Variants in SV2B observed in about 807,000 individuals in gnomAD.
The protein encoded by SV2B is solute carrier family 22 member B2.
A neutral mutation model predicts 73.9 loss-of-function variants in SV2B; 41 were observed. That is an observed-to-expected ratio of 0.56 (90% CI 0.43 to 0.72). The LOEUF (loss-of-function observed/expected upper bound fraction) is 0.72. Ranked by LOEUF, SV2B falls within the 30% of genes least tolerant of loss-of-function variation. SV2B has a pLI of 0.00. For missense variants in SV2B, 764 were observed against 857.8 expected, an observed-to-expected ratio of 0.89 and a Z score of 1.37; for synonymous variants, 314 against 314.2, an observed-to-expected ratio of 1.00 and a Z score of 0.01.
At chr15:91,133,813 G>T (rs1176232527) in intron 1 of SV2B, among the ~76,000 whole-genome samples, 2 of 152,048 alleles carry the variant, frequency 1.3e-5, no homozygotes, top group African/African-American at 4.8e-5. Flanking sequence ...AGCCTTCCAG[G>T]TATGCGATCC....
In SV2B at chr15:91,105,505, T is replaced by G. The variant is rs35357710; in HGVS notation, c.-392+5142T>G. On this transcript the variant is annotated intron_variant, in intron 1 of 12. Transcript: ENST00000394232. The surrounding 1 kb of genome is among the most constrained non-coding windows in gnomAD (Gnocchi z 5.5). ...GACAGGGTGAGCGTGGGAGAAGAGATCAGAGAAGTAGCAGGGAGCCAGCTA... is the reference window on the plus strand; with the variant it reads ...GACAGGGTGAGCGTGGGAGAAGAGAGCAGAGAAGTAGCAGGGAGCCAGCTA... Among the ~76,000 whole-genome samples the G allele has an allele frequency of 7.9e-5, 12 of 152,114 alleles. No individual in the cohort carries two copies. The highest frequency in any genetic ancestry group is 1.8e-4 in the Non-Finnish European group (12 of 67,998).
chr15:91,298,604 T>A lies in SV2B; in HGVS notation c.*6052T>A, dbSNP rs1481268363. On this transcript the variant is annotated 3_prime_UTR_variant, in exon 13 of 13. Transcript: ENST00000394232. The surrounding 1 kb of genome is among the most constrained non-coding windows in gnomAD (Gnocchi z 5.4). ...TTTAGCAGGACCATACTATGCCCCC[T>A]GGAAGGTTCAGTTTATGAGCTGGAG... The A allele has an allele frequency of 6.6e-6, 1 of 152,226 alleles. No individual in the cohort carries two copies. Among genetic ancestry groups the A allele is most frequent in the Non-Finnish European group, 1.5e-5 (1 of 68,044 alleles). The allele number at this position is 152,226 out of a possible 1,614,324, so 9.4% of individuals were successfully genotyped here.
rs1300288717 is a variant in SV2B, at chr15:91,122,860, T to C, written c.-392+22497T>C. 6.6e-6 allele frequency among the ~76,000 whole-genome samples: 1 copy of C among 152,118 alleles called. No individual in the cohort carries two copies. The highest frequency in any genetic ancestry group is 2.4e-5 in the African/African-American group (1 of 41,408). On this transcript the variant is annotated intron_variant, in intron 1 of 12. Coordinates refer to ENST00000394232, the MANE Select transcript of SV2B (RefSeq NM_001323032.3). This position sits in a 1 kb window ranked among gnomAD's most constrained non-coding sequence, Gnocchi z 4.3. The stretch of plus-strand genomic sequence containing the variant: ...TAGTTACCAGGGGCTGGAGTGAGTG[T>C]GTTGGGGAGATCCTTGTTGGTCAAA...
rs2042432906 is a variant in SV2B, at chr15:91,124,918, T to G, written c.-392+24555T>G. On this transcript the variant is annotated intron_variant, in intron 1 of 12. Transcript: ENST00000394232. The surrounding 1 kb of genome is among the most constrained non-coding windows in gnomAD (Gnocchi z 4.6). ...ATCCACCCGCCTCGGCCTCCCAAAGTGCTGATATTACAGGTGTGAGCCACT... is the reference window on the plus strand; with the variant it reads ...ATCCACCCGCCTCGGCCTCCCAAAGGGCTGATATTACAGGTGTGAGCCACT... Among the ~76,000 whole-genome samples the G allele has an allele frequency of 6.6e-6, 1 of 152,186 alleles. No homozygotes were observed. The highest frequency in any genetic ancestry group is 6.5e-5 in the Admixed American group (1 of 15,282).
chr15:91,222,745 T>G (rs906303232), intron 1 of SV2B, among the ~76,000 whole-genome samples: 3 of 152,206 alleles, frequency 2.0e-5, no homozygotes, highest in African/African-American at 7.2e-5. Context: ...TTGGGCACAT[T>G]TTTCAATCTT....
intron 1 of SV2B, among the ~76,000 whole-genome samples, chr15:91,172,590 C>G (rs2044162305): frequency 1.3e-5 from 2 of 152,210 alleles, no homozygotes; most frequent in South Asian, 4.1e-4. Flanking sequence ...CCCACAGCCT[C>G]TCTGTGTCTC....
intron 1 of SV2B, among the ~76,000 whole-genome samples, chr15:91,210,388 C>T (rs937292603): frequency 6.6e-6 from 1 of 152,030 alleles, no homozygotes; most frequent in Non-Finnish European, 1.5e-5. Context: ...GTACAGATGG[C>T]AGGCAATCCT....
intron 1 of SV2B, among the ~76,000 whole-genome samples, chr15:91,158,437 T>C (rs2043563945): frequency 6.6e-6 from 1 of 151,844 alleles, no homozygotes; most frequent in African/African-American, 2.4e-5. Flanking sequence ...GAGAGCTCAC[T>C]TTGGAGTAGC....
At chr15:91,156,625 C>A (rs1014756036) in intron 1 of SV2B, among the ~76,000 whole-genome samples, 2 of 152,220 alleles carry the variant, frequency 1.3e-5, no homozygotes, top group African/African-American at 4.8e-5. Context: ...GCCTTCATGG[C>A]CATTGGCCTG....
chr15:91,293,561 T>A lies in SV2B; in HGVS notation c.*1009T>A, dbSNP rs530407609. The A allele has an allele frequency of 4.3e-4, 65 of 152,334 alleles. No homozygotes were observed. The highest frequency in any genetic ancestry group is 1.4e-3 in the African/African-American group (58 of 41,590). 9.4% of individuals were successfully genotyped at this position (152,334 alleles called of 1,614,324 possible). A position where few individuals can be genotyped will look rare whatever the true frequency, so the allele number is the denominator to read the frequency against. On this transcript the variant is annotated 3_prime_UTR_variant, in exon 13 of 13. Coordinates refer to ENST00000394232, the MANE Select transcript of SV2B (RefSeq NM_001323032.3). Reference sequence around the variant, plus strand: ...CTCACCATCTTCAGTGCTGGCATTTTACTTTGCCACTACCCAAAAACAATG... The same window carrying A: ...CTCACCATCTTCAGTGCTGGCATTTAACTTTGCCACTACCCAAAAACAATG...
At chr15:91,228,747 T>G (rs1381607093) in intron 2 of SV2B, among the ~76,000 whole-genome samples, 1 of 152,202 alleles carries the variant, frequency 6.6e-6, no homozygotes, top group Non-Finnish European at 1.5e-5. Context: ...TCCACCCAAG[T>G]GGAGAAGGCA....
chr15:91,204,732 A>T (rs1357021624), intron 1 of SV2B, among the ~76,000 whole-genome samples: 1 of 151,630 alleles, frequency 6.6e-6, no homozygotes, highest in Non-Finnish European at 1.5e-5. Flanking sequence ...TAATTTTTAA[A>T]TTTTTTGTAG....
At chr15:91,160,996 G>A (rs148525315) in intron 1 of SV2B, among the ~76,000 whole-genome samples, 46 of 151,674 alleles carry the variant, frequency 3.0e-4, no homozygotes, top group Non-Finnish European at 5.9e-4. Context: ...ACAGAACCAC[G>A]GATGCGTGCA....
intron 2 of SV2B, among the ~76,000 whole-genome samples, chr15:91,228,726 G>A (rs1374112449): frequency 6.6e-6 from 1 of 152,216 alleles, no homozygotes; most frequent in Non-Finnish European, 1.5e-5. Context: ...CTGCCCAGAA[G>A]ATGCAGTGAC....
intron 1 of SV2B, among the ~76,000 whole-genome samples, chr15:91,183,312 C>T (rs1390088580): frequency 2.0e-5 from 3 of 152,200 alleles, no homozygotes; most frequent in South Asian, 2.1e-4. Context: ...AGATACTTCC[C>T]TTTGACTTTC....
chr15:91,267,930 G>C lies in SV2B; in HGVS notation c.1208+287G>C, dbSNP rs1057395493. Among the ~76,000 whole-genome samples the C allele has an allele frequency of 5.3e-5, 8 of 151,904 alleles. No homozygotes were observed. The highest frequency in any genetic ancestry group is 1.9e-4 in the African/African-American group (8 of 41,302). ...CTATTCTCCTGCCTCAGCCTCCCCA[G>C]TTGCTGGGACTACAGATGTGTGCCA... On this transcript the variant is annotated intron_variant, in intron 8 of 12. Coordinates refer to ENST00000394232, the MANE Select transcript of SV2B (RefSeq NM_001323032.3). The surrounding 1 kb of genome is among the most constrained non-coding windows in gnomAD (Gnocchi z 4.3).
Position 91,226,357 on chromosome 15 carries a change from CAG to C in SV2B, c.97_98del (p.Ser33Ter). 2 of 1,614,156 alleles carry C rather than the reference CAG, an allele frequency of 1.2e-6. No individual in the cohort carries two copies. Among genetic ancestry groups the C allele is most frequent in the Non-Finnish European group, 1.7e-6 (2 of 1,180,030 alleles). On this transcript the variant is annotated frameshift_variant, in exon 2 of 13. Coordinates refer to ENST00000394232, the MANE Select transcript of SV2B (RefSeq NM_001323032.3). LOFTEE classifies it high-confidence loss of function. ...GNESNPEEDA[Q>X]SDVTEGHDEE... The stretch of plus-strand genomic sequence containing the variant: ...TGAGTCCAACCCAGAAGAAGATGCA[CAG>C]AGTGATGTCACCGAAGGCCATGATG...
chr15:91,175,822 C>T (rs1045571593), intron 1 of SV2B, among the ~76,000 whole-genome samples: 12 of 151,326 alleles, frequency 7.9e-5, no homozygotes, highest in African/African-American at 2.4e-4. Flanking sequence ...TTGAAGAGAC[C>T]AGATGCCGTG....
At chr15:91,127,731 C>T (rs564919828) in intron 1 of SV2B, among the ~76,000 whole-genome samples, 79 of 152,000 alleles carry the variant, frequency 5.2e-4, no homozygotes, top group African/African-American at 1.8e-3. Context: ...AGGAGTGAGA[C>T]ATGTGGTCTC....
Sources: allele counts gnomAD v4.1 joint callset (sites outside exome capture counted in the v4.1 genomes callset), GRCh38; gene constraint gnomAD v4.1.1; non-coding constraint Gnocchi (gnomAD v3.1); transcripts MANE v1.5; gene names NCBI Gene and HGNC (gene_info 2026-07-23, HGNC 2026-07-21).